The following CTSB variants were observed in gnomAD, a reference collection of about 807,000 sequenced individuals.
CTSB encodes cathepsin B, also known as APP secretase.
In CTSB, 57 loss-of-function variants were observed where a neutral mutation model predicts 44.3. That is an observed-to-expected ratio of 1.29 (90% CI 1.04 to 1.60). The LOEUF (loss-of-function observed/expected upper bound fraction) is 1.60, where lower values mean the gene tolerates loss of function less well. CTSB is among the 40% of genes most tolerant of loss of function. The probability of loss-of-function intolerance (pLI) is 0.00; values close to 1 mark genes in which losing one functional copy is unlikely to be tolerated. For missense variants in CTSB, 768 were observed against 443.0 expected (o/e 1.73, Z -6.59); for synonymous variants, 320 against 168.0 (o/e 1.91, Z -7.00).
At chr8:11,866,339 G>A (rs1249686907) in intron 1 of CTSB, among the ~76,000 whole-genome samples, 3 of 152,234 alleles carry the variant, frequency 2.0e-5, no homozygotes, top group Non-Finnish European at 2.9e-5. Flanking sequence ...GCTGTCCTGA[G>A]CCAACACCCA....
At chr8:11,847,843 G>A (rs1194686518) in intron 6 of CTSB, 21 bp from the exon 7 acceptor site, 2 of 1,543,036 alleles carry the variant, frequency 1.3e-6, no homozygotes, top group East Asian at 2.3e-5. Context: ...GCGGGAGAAA[G>A]CGGAGTCAAC....
chr8:11,848,528 G>A (rs1478394751), intron 5 of CTSB: 13 of 374,138 alleles, frequency 3.5e-5, no homozygotes, highest in South Asian at 1.8e-4. Flanking sequence ...AATCGCCAGT[G>A]ATTCCCATTT....
intron 1 of CTSB, among the ~76,000 whole-genome samples, chr8:11,856,026 AAAAAT>A (rs773204612): frequency 2.1e-4 from 31 of 145,926 alleles, no homozygotes; most frequent in Non-Finnish European, 3.9e-4. Context: ...ACTCTGCCTC[AAAAAT>A]AAAATAAAAT....
intron 3 of CTSB, among the ~76,000 whole-genome samples, chr8:11,852,009 G>A (rs1312123289): frequency 1.3e-5 from 2 of 152,082 alleles, no homozygotes; most frequent in African/African-American, 4.8e-5. Flanking sequence ...ACTCAAGATT[G>A]AGTCTGCCCA....
intron 4 of CTSB, among the ~76,000 whole-genome samples, chr8:11,849,773 G>T (rs530578712): frequency 2.0e-5 from 3 of 152,096 alleles, no homozygotes; most frequent in Admixed American, 2.0e-4. Context: ...TAGAGACAGG[G>T]TTTCACCATG....
chr8:11,851,058 G>A (rs770726568), intron 3 of CTSB, 78 bp from the exon 4 acceptor site: 3 of 935,188 alleles, frequency 3.2e-6, no homozygotes, highest in Admixed American at 4.1e-5. Context: ...CACTTTGGCT[G>A]GGCCACACTC....
chr8:11,867,048 G>A (rs370367856), intron 1 of CTSB, among the ~76,000 whole-genome samples: 1 of 152,212 alleles, frequency 6.6e-6, no homozygotes, highest in African/African-American at 2.4e-5. Context: ...TTAGGAGGAG[G>A]AGTGTGGGGC....
intron 4 of CTSB, 72 bp from the exon 5 acceptor site, chr8:11,849,236 G>A (rs1432451882): frequency 4.2e-6 from 5 of 1,182,676 alleles, no homozygotes; most frequent in African/African-American, 3.0e-5. Context: ...CCCCTCAAAG[G>A]GCCACAGGGG....
intron 1 of CTSB, among the ~76,000 whole-genome samples, chr8:11,865,267 G>A (rs576239982): frequency 3.9e-5 from 6 of 152,222 alleles, no homozygotes; most frequent in Admixed American, 2.6e-4. Context: ...GCAGCAGACT[G>A]GGCGCAGTGG....
rs998898439 is a variant in CTSB, at chr8:11,850,769, C to A, written c.327+97G>T. ...GGACTCAGAAAGTTTCTATAACTTG[C>A]CTTGTCAGAGTTGTCCCCACCCCGA... On this transcript the variant is annotated intron_variant, in intron 4 of 9. Transcript: ENST00000353047. 7 of 746,866 alleles carry A rather than the reference C, an allele frequency of 9.4e-6. No individual in the cohort carries two copies. In the South Asian group the frequency reaches 1.2e-4, roughly 13 times the overall value. The allele number at this position is 746,866 out of a possible 1,614,324, so 46.3% of individuals were successfully genotyped here. A position where few individuals can be genotyped will look rare whatever the true frequency, so the allele number is the denominator to read the frequency against.
chr8:11,867,607 G>A (rs1396151131), intron 1 of CTSB: 1 of 152,244 alleles, frequency 6.6e-6, no homozygotes, highest in Admixed American at 6.5e-5. Flanking sequence ...GAGACACCGA[G>A]GCCCAGGCGC....
At chr8:11,853,687 C>T (rs1815018724) in intron 1 of CTSB, 4 of 493,294 alleles carry the variant, frequency 8.1e-6, no homozygotes, top group Non-Finnish European at 1.1e-5. Context: ...GGGGGCCAGG[C>T]GGCCAGAGCC....
intron 2 of CTSB, among the ~76,000 whole-genome samples, chr8:11,853,026 G>A (rs73209035): frequency 3.3e-5 from 5 of 152,220 alleles, no homozygotes; most frequent in Admixed American, 6.5e-5. Context: ...GTGCCACGGC[G>A]GGCGTCACAG....
intron 4 of CTSB, among the ~76,000 whole-genome samples, chr8:11,850,419 CAAAAAAAAAA>C (rs61067792): frequency 1.9e-5 from 1 of 53,778 alleles, no homozygotes; most frequent in Non-Finnish European, 3.3e-5. Flanking sequence ...ACTCCATCTC[CAAAAAAAAAA>C]AAAAAAAAAA....
rs759732368 is a variant in CTSB, at chr8:11,847,035, C to T, written c.793+17G>A. 1.0e-5 allele frequency: 9 copies of T among 895,150 alleles called. No individual in the cohort carries two copies. The East Asian group carries it at 2.1e-4, about 21-fold the overall frequency. The allele number at this position is 895,150 out of a possible 1,614,324, so 55.5% of individuals were successfully genotyped here. A position where few individuals can be genotyped will look rare whatever the true frequency, so the allele number is the denominator to read the frequency against. ...CCCGACCCCCACCCTCTATTGCCAT[C>T]AGCCATCAGCACGCACCTGACTTGT... On this transcript the variant is annotated intron_variant, in intron 8 of 9. Coordinates refer to ENST00000353047, the MANE Select transcript of CTSB (RefSeq NM_001908.5).
Position 11,844,292 on chromosome 8 carries a change from G to A in CTSB, c.*833C>T, listed in dbSNP as rs1286381465. ...CTACAAGTCTATAGGCAGTGACAAA[G>A]GATCTGAGATCCCATCAGAGTAGAC... On this transcript the variant is annotated 3_prime_UTR_variant, in exon 10 of 10. Coordinates refer to ENST00000353047, the MANE Select transcript of CTSB (RefSeq NM_001908.5). 1 of 152,216 alleles carries A rather than the reference G, an allele frequency of 6.6e-6. No homozygotes were observed. The highest frequency in any genetic ancestry group is 6.5e-5 in the Admixed American group (1 of 15,274). The allele number at this position is 152,216 out of a possible 1,614,324, so 9.4% of individuals were successfully genotyped here.
rs1226611464 is a variant in CTSB, at chr8:11,847,056, C to T, written c.789G>A (p.Lys263=). Residue 263 remains lysine, a synonymous_variant, in exon 8 of 10, where the codon AAG becomes AAA. Coordinates refer to ENST00000353047, the MANE Select transcript of CTSB (RefSeq NM_001908.5). ...FSVYSDFLLY[K]SGVYQHVTGE... is the part of the protein sequence containing the mutation. ...CCATCAGCCATCAGCACGCACCTGA[C>T]TTGTAGAGCAGGAAGTCCGAATACA... The T allele has an allele frequency of 5.1e-6, 8 of 1,574,042 alleles. No individual in the cohort carries two copies. In the Admixed American group the frequency reaches 1.0e-4, roughly 20 times the overall value.
At chr8:11,855,245 C>T (rs534720285) in intron 1 of CTSB, among the ~76,000 whole-genome samples, 4 of 152,278 alleles carry the variant, frequency 2.6e-5, no homozygotes, top group East Asian at 1.9e-4. Context: ...TGGTCTCGAA[C>T]GCCTGACCTC....
intron 1 of CTSB, among the ~76,000 whole-genome samples, chr8:11,855,867 A>G (rs2150422149): frequency 6.6e-6 from 1 of 152,050 alleles, no homozygotes; most frequent in African/African-American, 2.4e-5. Flanking sequence ...AAAATACAAA[A>G]ATTACCCAGG....
Sources: allele counts gnomAD v4.1 joint callset (sites outside exome capture counted in the v4.1 genomes callset), GRCh38; gene constraint gnomAD v4.1.1; transcripts MANE v1.5; gene names NCBI Gene and HGNC (gene_info 2026-07-23, HGNC 2026-07-21).